Variants in ZSCAN30 observed in about 807,000 individuals in gnomAD.
The protein encoded by ZSCAN30 is zinc finger and SCAN domain containing 30, also known as zinc finger and SCAN domain-containing protein 30.
A neutral mutation model predicts 44.3 loss-of-function variants in ZSCAN30; 37 were observed. The observed-to-expected ratio is 0.84, with a 90% CI of 0.64 to 1.10. The LOEUF is 1.10. Among genes scored for constraint, ZSCAN30 ranks in the 50% least tolerant of loss-of-function variants. ZSCAN30 has a pLI of 0.00. For synonymous variants in ZSCAN30, 181 were observed against 204.6 expected (o/e 0.88, Z 0.98); for missense variants, 549 against 582.6 (o/e 0.94, Z 0.59).
intron 3 of ZSCAN30, chr18:35,257,921 A>G (rs2043895562): frequency 2.6e-6 from 2 of 780,972 alleles, no homozygotes; most frequent in Non-Finnish European, 4.8e-6. Context: ...CTCTCTCTCC[A>G]TTACAGATTT....
intron 1 of ZSCAN30, among the ~76,000 whole-genome samples, chr18:35,286,370 A>G (rs1240745289): frequency 6.6e-6 from 1 of 152,200 alleles, no homozygotes; most frequent in African/African-American, 2.4e-5. Context: ...AGACAACGAC[A>G]TTACAAGAAA....
intron 1 of ZSCAN30, among the ~76,000 whole-genome samples, chr18:35,274,048 T>C (rs2044328940): frequency 6.6e-6 from 1 of 152,032 alleles, no homozygotes; most frequent in Admixed American, 6.5e-5. Context: ...GACGGAGTCT[T>C]GCTGTTGCTC....
intron 3 of ZSCAN30, among the ~76,000 whole-genome samples, chr18:35,256,866 T>G (rs928245000): frequency 6.6e-6 from 1 of 152,198 alleles, no homozygotes; most frequent in Admixed American, 6.5e-5. Flanking sequence ...CTTGAAATCC[T>G]GGACTCAAGG....
chr18:35,263,299 T>G (rs1358087910), intron 3 of ZSCAN30: 11 of 539,010 alleles, frequency 2.0e-5, no homozygotes, highest in African/African-American at 3.8e-5. Flanking sequence ...TATTAGAGAA[T>G]TTTACTAAAG....
intron 1 of ZSCAN30, chr18:35,268,598 T>A (rs1486006010): frequency 6.6e-6 from 1 of 152,188 alleles, no homozygotes; most frequent in East Asian, 1.9e-4. Flanking sequence ...GGAACACTGT[T>A]GCTTTGCTGC....
rs372053054 is a variant in ZSCAN30, at chr18:35,253,534, C to A, written c.1401G>T (p.Lys467Asn). The change falls in exon 4 of 4, where the codon AAG (lysine) becomes AAT (asparagine). Residue 467 changes from lysine (K) to asparagine (N), a missense_variant. By Grantham distance (94) the Lys-to-Asn change is moderately conservative. Transcript: ENST00000333206. Reference protein sequence around the residue: ...TQHQRIHTGEKPYECSECRKT... With the variant: ...TQHQRIHTGENPYECSECRKT... ...TTCTACATTCACTACATTCATAAGGCTTCTCTCCAGTGTGAATTCTCTGGT... is the reference window on the plus strand; with the variant it reads ...TTCTACATTCACTACATTCATAAGGATTCTCTCCAGTGTGAATTCTCTGGT... 108 of 1,613,814 alleles carry A rather than the reference C, an allele frequency of 6.7e-5. No individual in the cohort carries two copies. In the African/African-American group the frequency reaches 1.4e-3, roughly 21 times the overall value.
chr18:35,264,282 A>C lies in ZSCAN30; in HGVS notation c.71T>G (p.Val24Gly). The change falls in exon 2 of 4, where the codon GTT becomes GGT. Residue 24 changes from valine to glycine, a missense_variant. Physicochemically the swap from Val to Gly is moderately radical, Grantham distance 109 (BLOSUM62 -3). Transcript: ENST00000333206. ...EEQEGLLVVK[V>G]EEENYVLDQD... Reference sequence around the variant, plus strand: ...GTCCAAAACATAATTTTCTTCTTCAACCTTGACAACTAGAAGTCCTTCCTG... The same window carrying C: ...GTCCAAAACATAATTTTCTTCTTCACCCTTGACAACTAGAAGTCCTTCCTG... 2.5e-6 allele frequency: 4 copies of C among 1,614,094 alleles called. No individual in the cohort carries two copies. The highest frequency in any genetic ancestry group is 3.4e-6 in the Non-Finnish European group (4 of 1,180,024).
intron 1 of ZSCAN30, chr18:35,267,554 G>A (rs886853966): frequency 2.6e-5 from 4 of 152,160 alleles, no homozygotes; most frequent in Admixed American, 1.3e-4. Context: ...CCGGAAGTGG[G>A]AGAGTGCCCC....
intron 1 of ZSCAN30, among the ~76,000 whole-genome samples, chr18:35,271,070 T>C (rs2044262810): frequency 6.6e-6 from 1 of 152,162 alleles, no homozygotes; most frequent in Admixed American, 6.5e-5. Flanking sequence ...ACAGTGAGTG[T>C]TACAGCTCAT....
chr18:35,270,211 T>C (rs182876576), intron 1 of ZSCAN30: 2 of 152,150 alleles, frequency 1.3e-5, no homozygotes, highest in East Asian at 3.9e-4. Flanking sequence ...GTGAAAGATG[T>C]TAATAAAAAG....
intron 1 of ZSCAN30, among the ~76,000 whole-genome samples, chr18:35,279,017 C>CA (rs2044411349): frequency 6.6e-6 from 1 of 152,202 alleles, no homozygotes; most frequent in South Asian, 2.1e-4. Context: ...TCCTTCTGAG[C>CA]CCTTACCAGA....
At chr18:35,256,760 TTTGTTGTTG>T (rs369105451) in intron 3 of ZSCAN30, among the ~76,000 whole-genome samples, 4 of 151,416 alleles carry the variant, frequency 2.6e-5, no homozygotes, top group African/African-American at 7.3e-5. Flanking sequence ...CTCTTCTGTT[TTTGTTGTTG>T]TTGTTGTTGT....
intron 1 of ZSCAN30, chr18:35,269,974 TC>T (rs1569076564): frequency 1.3e-5 from 2 of 152,152 alleles, no homozygotes; most frequent in African/African-American, 4.8e-5. Flanking sequence ...GTACCCAATT[TC>T]CCCATTTTTA....
In ZSCAN30 at chr18:35,252,783, A is replaced by C. The variant is rs1045168834; in HGVS notation, c.*667T>G. Reference sequence around the variant, plus strand: ...ATATATGCATATCCTATTAGCCCTTAACTCTGGGAGGGCAATGACCAGGTC... The same window carrying C: ...ATATATGCATATCCTATTAGCCCTTCACTCTGGGAGGGCAATGACCAGGTC... On this transcript the variant is annotated 3_prime_UTR_variant, in exon 4 of 4. Coordinates refer to ENST00000333206, the MANE Select transcript of ZSCAN30 (RefSeq NM_001112734.4). 2 of 152,234 alleles carry C rather than the reference A, an allele frequency of 1.3e-5. No individual in the cohort carries two copies. Among genetic ancestry groups the C allele is most frequent in the Non-Finnish European group, 2.9e-5 (2 of 68,122 alleles). The allele number at this position is 152,234 out of a possible 1,614,324, so 9.4% of individuals were successfully genotyped here.
At chr18:35,266,791 C>G (rs1342175498) in intron 1 of ZSCAN30, 1 of 151,008 alleles carries the variant, frequency 6.6e-6, no homozygotes, top group Non-Finnish European at 1.5e-5. Flanking sequence ...CTCAGCCTCC[C>G]GAGTAGCTGG....
chr18:35,257,435 G>A (rs1051644727), intron 3 of ZSCAN30: 6 of 156,526 alleles, frequency 3.8e-5, no homozygotes, highest in African/African-American at 1.2e-4. Context: ...TTTGGAAGGT[G>A]ACTAGGTCAT....
intron 1 of ZSCAN30, among the ~76,000 whole-genome samples, chr18:35,277,188 C>A (rs1051493002): frequency 6.6e-6 from 1 of 152,170 alleles, no homozygotes; most frequent in African/African-American, 2.4e-5. Flanking sequence ...CAGGAAGTAA[C>A]TAACTTACTT....
intron 2 of ZSCAN30, 98 bp downstream of exon 2, chr18:35,263,847 G>A (rs989312129): frequency 6.8e-7 from 1 of 1,478,022 alleles, no homozygotes; most frequent in Non-Finnish European, 9.1e-7. Context: ...GAAAGAAACT[G>A]TATAATTCTC....
chr18:35,269,890 A>T (rs185839175), intron 1 of ZSCAN30: 1 of 152,138 alleles, frequency 6.6e-6, no homozygotes, highest in East Asian at 1.9e-4. Context: ...TAAAAAGTCC[A>T]TAAGGTTTAT....
Sources: gnomAD v4.1 joint callset for allele counts (sites outside exome capture counted in the v4.1 genomes callset) on GRCh38, gnomAD v4.1.1 for gene constraint, MANE v1.5 for transcripts, NCBI Gene and HGNC (gene_info 2026-07-23, HGNC 2026-07-21) for gene names.